The following DOCK7 variants were observed in gnomAD, a reference collection of about 807,000 sequenced individuals.
DOCK7 encodes the protein dedicator of cytokinesis protein 7.
A neutral mutation model predicts 271.0 loss-of-function variants in DOCK7; 138 were observed. The observed-to-expected ratio is 0.51, with a 90% CI of 0.44 to 0.59. The LOEUF is 0.59. DOCK7 is among the 20% of genes least tolerant of loss of function. The pLI is 0.00. For missense variants in DOCK7, 2,066 were observed against 2,592.4 expected (o/e 0.80, Z 4.41); for synonymous variants, 823 against 876.1 (o/e 0.94, Z 1.07).
At chr1:62,456,472 A>G (rs1645350810) in intron 49 of DOCK7, among the ~76,000 whole-genome samples, 1 of 152,178 alleles carries the variant, frequency 6.6e-6, no homozygotes, top group Non-Finnish European at 1.5e-5. Flanking sequence ...GTACAAAGAG[A>G]TCACATTGGC....
intron 43 of DOCK7, chr1:62,481,835 C>G (rs751154137): frequency 2.6e-5 from 4 of 152,182 alleles, no homozygotes; most frequent in Non-Finnish European, 5.9e-5. Flanking sequence ...TTCCGATGGA[C>G]TAGTTGTATA....
chr1:62,545,148 T>A, intron 22 of DOCK7, 109 bp from the exon 23 acceptor site: 1 of 1,097,462 alleles, frequency 9.1e-7, no homozygotes, highest in Non-Finnish European at 1.3e-6. Context: ...TGTTTTTAAT[T>A]AGTACTGTTA....
chr1:62,532,971 A>C (rs1420750117), intron 29 of DOCK7, among the ~76,000 whole-genome samples: 1 of 152,198 alleles, frequency 6.6e-6, no homozygotes, highest in Non-Finnish European at 1.5e-5. Context: ...GAGAGGCTCC[A>C]GCCTTAGGAT....
At chr1:62,567,337 C>A (rs1028167851) in intron 18 of DOCK7, among the ~76,000 whole-genome samples, 1 of 152,154 alleles carries the variant, frequency 6.6e-6, no homozygotes, top group Non-Finnish European at 1.5e-5. Context: ...GAAAATGTGG[C>A]ACATATACAC....
At chr1:62,515,908 C>A (rs1217756798) in intron 31 of DOCK7, among the ~76,000 whole-genome samples, 1 of 152,046 alleles carries the variant, frequency 6.6e-6, no homozygotes, top group Non-Finnish European at 1.5e-5. Flanking sequence ...GAATAAAGAA[C>A]ACAAAAAGTG....
At chr1:62,598,114 A>T in intron 14 of DOCK7, 6 of 1,451,084 alleles carry the variant, frequency 4.1e-6, no homozygotes, top group Non-Finnish European at 4.6e-6. Flanking sequence ...TGGATCTTTT[A>T]AAAAAAATAT....
At chr1:62,568,482 TTAAGTA>T (rs1646602852) in intron 18 of DOCK7, among the ~76,000 whole-genome samples, 1 of 149,180 alleles carries the variant, frequency 6.7e-6, no homozygotes, top group Non-Finnish European at 1.5e-5. Flanking sequence ...TTTTTTTTTT[TTAAGTA>T]AAGATGAGAT....
intron 43 of DOCK7, chr1:62,482,235 T>C (rs1318650495): frequency 6.6e-6 from 1 of 152,222 alleles, no homozygotes; most frequent in Admixed American, 6.5e-5. Context: ...TTAAATTATT[T>C]TCACCCTCAT....
chr1:62,678,391 G>T (rs1248868229), intron 1 of DOCK7, among the ~76,000 whole-genome samples: 1 of 152,090 alleles, frequency 6.6e-6, no homozygotes, highest in African/African-American at 2.4e-5. Flanking sequence ...GTTTAGCAAG[G>T]TATAGCTGGA....
intron 48 of DOCK7, among the ~76,000 whole-genome samples, chr1:62,473,646 A>G (rs146589571): frequency 6.6e-6 from 1 of 152,124 alleles, no homozygotes; most frequent in East Asian, 1.9e-4. Context: ...AGTGCAGTGT[A>G]CAATCATAGT....
chr1:62,587,427 G>A (rs1467568023), intron 14 of DOCK7, among the ~76,000 whole-genome samples: 1 of 151,876 alleles, frequency 6.6e-6, no homozygotes, highest in African/African-American at 2.4e-5. Context: ...ATGAAAACAG[G>A]TCTAAATTTT....
At chr1:62,524,333 A>AC (rs1247280882) in intron 31 of DOCK7, among the ~76,000 whole-genome samples, 2 of 152,178 alleles carry the variant, frequency 1.3e-5, no homozygotes, top group Non-Finnish European at 2.9e-5. Flanking sequence ...AGATTAAGAT[A>AC]CCCACAGTCT....
chr1:62,644,672 A>G (rs1363807623), intron 7 of DOCK7, among the ~76,000 whole-genome samples: 1 of 152,244 alleles, frequency 6.6e-6, no homozygotes, highest in Non-Finnish European at 1.5e-5. Context: ...GTTCTCATCC[A>G]GGATAAAGGA....
chr1:62,526,723 A>G (rs1645020886), intron 31 of DOCK7, among the ~76,000 whole-genome samples: 1 of 152,222 alleles, frequency 6.6e-6, no homozygotes, highest in South Asian at 2.1e-4. Context: ...TATCAATACA[A>G]TGGAATACTA....
intron 37 of DOCK7, among the ~76,000 whole-genome samples, chr1:62,496,826 A>T (rs912453748): frequency 2.0e-5 from 3 of 152,152 alleles, no homozygotes; most frequent in African/African-American, 7.2e-5. Flanking sequence ...AGCTTGACTG[A>T]CATTATAAAA....
chr1:62,629,243 T>A (rs980357957), intron 11 of DOCK7: 1 of 152,174 alleles, frequency 6.6e-6, no homozygotes, highest in East Asian at 1.9e-4. Context: ...CCTAGCTATA[T>A]ATCTACATAT....
chr1:62,480,399 A>C (rs1646086387), intron 43 of DOCK7, among the ~76,000 whole-genome samples: 1 of 152,244 alleles, frequency 6.6e-6, no homozygotes. Flanking sequence ...CTTCAGTAAT[A>C]GGAAAGTAAA....
chr1:62,653,752 G>T lies in DOCK7; in HGVS notation c.362C>A (p.Thr121Lys). The T allele has an allele frequency of 1.3e-6, 2 of 1,590,852 alleles. No individual in the cohort carries two copies. Among genetic ancestry groups the T allele is most frequent in the Non-Finnish European group, 1.7e-6 (2 of 1,160,176 alleles). The stretch of plus-strand genomic sequence containing the variant: ...TCTGATGACAATTGCCCAGTCTTCT[G>T]TATAACTTCTTATACAGTCTCTAAC... ...PHVRDCIRSY[T>K]EDWAIVIRKY... Residue 121 changes from threonine to lysine, a missense_variant, in exon 4 of 50, where the codon ACA becomes AAA. Physicochemically the swap from Thr to Lys is moderately conservative, Grantham distance 78 (BLOSUM62 -1). This residue lies in a region of DOCK7 where 1,414 missense variants were observed against 1,670.4 expected (regional missense o/e 0.85). Coordinates refer to ENST00000635253, the MANE Select transcript of DOCK7 (RefSeq NM_001367561.1).
chr1:62,576,688 G>A (rs1343295470), intron 18 of DOCK7, among the ~76,000 whole-genome samples: 1 of 152,120 alleles, frequency 6.6e-6, no homozygotes, highest in African/African-American at 2.4e-5. Context: ...CTCTCAAGAG[G>A]AACTTTGGTT....
Sources: gnomAD v4.1 joint callset for allele counts (sites outside exome capture counted in the v4.1 genomes callset) on GRCh38, gnomAD v4.1.1 for gene constraint, gnomAD v4.1.1 regional missense constraint, MANE v1.5 for transcripts, NCBI Gene and HGNC (gene_info 2026-07-23, HGNC 2026-07-21) for gene names.